The following DMD variants were observed in gnomAD, a reference collection of about 807,000 sequenced individuals.
DMD encodes mutant dystrophin.
A neutral mutation model predicts 330.1 loss-of-function variants in DMD; 63 were observed. The observed-to-expected ratio is 0.19, with a 90% CI of 0.16 to 0.24. The LOEUF (loss-of-function observed/expected upper bound fraction) is 0.24. Ranked by LOEUF, DMD falls within the 10% of genes least tolerant of loss-of-function variation. DMD has a pLI of 1.00. For synonymous variants in DMD, 1,223 were observed against 959.8 expected, an observed-to-expected ratio of 1.27 and a Z score of -5.07; for missense variants, 3,344 against 2,684.1, an observed-to-expected ratio of 1.25 and a Z score of -5.43.
At chrX:31,516,267 T>C (rs1280661185) in intron 55 of DMD, among the ~76,000 whole-genome samples, 1 of 68,928 alleles carries the variant, frequency 1.5e-5, no homozygotes, top group Admixed American at 1.7e-4. Flanking sequence ...GATTGGGAAT[T>C]AAAACAAGCG....
At chrX:32,914,400 G>A (rs1210407981) in intron 2 of DMD, among the ~76,000 whole-genome samples, 1 of 112,353 alleles carries the variant, frequency 8.9e-6, no homozygotes, top group Non-Finnish European at 1.9e-5. Context: ...AAAGGATTCA[G>A]GAGGGACCAG....
chrX:32,585,671 G>T (rs1033701087), intron 13 of DMD, among the ~76,000 whole-genome samples: 2 of 73,479 alleles, frequency 2.7e-5, no homozygotes, highest in African/African-American at 1.1e-4. Context: ...CTGCACTCCA[G>T]CCTGGGTGAC....
At chrX:33,009,716 ATATG>A (rs1400791365) in intron 2 of DMD, among the ~76,000 whole-genome samples, 1 of 60,236 alleles carries the variant, frequency 1.7e-5, no homozygotes, top group Non-Finnish European at 3.1e-5. Flanking sequence ...GTATATGTGT[ATATG>A]TGTGTATATG....
At chrX:31,883,630 C>G (rs180837972) in intron 47 of DMD, among the ~76,000 whole-genome samples, 1 of 110,547 alleles carries the variant, frequency 9.0e-6, no homozygotes, top group Non-Finnish European at 1.9e-5. Context: ...GTCACTCTGG[C>G]GAAAAAGTGA....
intron 44 of DMD, among the ~76,000 whole-genome samples, chrX:32,033,677 G>A (rs865925353): frequency 0.01 from 870 of 84,310 alleles, 20 homozygotes; most frequent in East Asian, 0.032. Context: ...AGAAAGGAAG[G>A]AAAGAAAGAA....
intron 45 of DMD, among the ~76,000 whole-genome samples, chrX:31,951,139 A>ATATATATG (rs1557025403): frequency 1.4e-5 from 1 of 72,242 alleles, no homozygotes; most frequent in African/African-American, 6.1e-5. Flanking sequence ...ATATATATAT[A>ATATATATG]TGTGTATATA....
chrX:31,535,733 A>G (rs1398160636), intron 55 of DMD, among the ~76,000 whole-genome samples: 1 of 111,949 alleles, frequency 8.9e-6, no homozygotes, highest in Non-Finnish European at 1.9e-5. Flanking sequence ...CCTCACTACC[A>G]AAAGTGTGAT....
At chrX:32,088,880 T>C (rs924375429) in intron 44 of DMD, among the ~76,000 whole-genome samples, 1 of 111,339 alleles carries the variant, frequency 9.0e-6, no homozygotes, top group African/African-American at 3.3e-5. Context: ...TCATTGAGTG[T>C]TCAGTCCGAG....
At chrX:32,021,683 G>T (rs1603620667) in intron 44 of DMD, among the ~76,000 whole-genome samples, 1 of 112,151 alleles carries the variant, frequency 8.9e-6, no homozygotes, top group Admixed American at 9.4e-5. Flanking sequence ...AAAGAAAAAG[G>T]TTAAATACAT....
chrX:32,280,545 C>G (rs2097416669), intron 43 of DMD, among the ~76,000 whole-genome samples: 1 of 111,249 alleles, frequency 9.0e-6, no homozygotes, highest in African/African-American at 3.3e-5. Context: ...GAGATTAATT[C>G]TAAGACTGCA....
At chrX:32,983,576 T>C (rs66924690) in intron 2 of DMD, among the ~76,000 whole-genome samples, 1,144 of 50,985 alleles carry the variant, frequency 0.022, 27 homozygotes, top group African/African-American at 0.2. Context: ...CACACACACA[T>C]ATAGGAACAC....
chrX:32,062,162 A>G (rs1261861036), intron 44 of DMD, among the ~76,000 whole-genome samples: 2 of 111,065 alleles, frequency 1.8e-5, no homozygotes, highest in African/African-American at 3.3e-5. Flanking sequence ...TGATATTTAT[A>G]AGGTCTGGCT....
chrX:31,507,068 TA>T (rs1437584474), intron 56 of DMD, among the ~76,000 whole-genome samples: 1 of 112,045 alleles, frequency 8.9e-6, no homozygotes, highest in African/African-American at 3.2e-5. Context: ...CCTATGTTTA[TA>T]AAACATTACC....
intron 44 of DMD, among the ~76,000 whole-genome samples, chrX:32,073,360 G>A (rs1225250690): frequency 9.0e-6 from 1 of 111,680 alleles, no homozygotes. Context: ...GATGCCTTGA[G>A]AAATTCTCCA....
At chrX:33,020,748 AT>A (rs1048439138) in intron 1 of DMD, among the ~76,000 whole-genome samples, 2 of 111,778 alleles carry the variant, frequency 1.8e-5, no homozygotes, top group Admixed American at 1.9e-4. Context: ...TTATAAAAAA[AT>A]AGTCTCCTCT....
intron 1 of DMD, among the ~76,000 whole-genome samples, chrX:33,023,803 A>G (rs1023496055): frequency 9.0e-6 from 1 of 111,474 alleles, no homozygotes; most frequent in African/African-American, 3.2e-5. Context: ...AAATGTCTAC[A>G]CATACATATT....
At chrX:31,680,378 T>C (rs747139061) in intron 52 of DMD, among the ~76,000 whole-genome samples, 6 of 102,520 alleles carry the variant, frequency 5.9e-5, no homozygotes, top group Non-Finnish European at 1.2e-4. Flanking sequence ...TTTTTCTTTC[T>C]TTTTTTTTTT....
At position 32,794,178 on chromosome X, in the gene DMD, G is replaced by A. The variant is rs560490455; in HGVS notation, c.649+15315C>T. On this transcript the variant is annotated intron_variant, in intron 7 of 78. Coordinates refer to ENST00000357033, the MANE Select transcript of DMD (RefSeq NM_004006.3). ...ATTTCATAAAATTTAACATCCCTTCGAGATAAAAACTCCAACAAACTAGGC... is the reference window on the plus strand; with the variant it reads ...ATTTCATAAAATTTAACATCCCTTCAAGATAAAAACTCCAACAAACTAGGC... Among the ~76,000 whole-genome samples the A allele has an allele frequency of 6.3e-5, 7 of 111,519 alleles. No homozygotes were observed. In the South Asian group the frequency reaches 1.1e-3, roughly 18 times the overall value.
At chrX:32,978,878 C>G in intron 2 of DMD, among the ~76,000 whole-genome samples, 1 of 112,239 alleles carries the variant, frequency 8.9e-6, no homozygotes, top group Non-Finnish European at 1.9e-5. Flanking sequence ...ATACACAACC[C>G]TTGAAGAACT....
Sources: allele counts gnomAD v4.1 joint callset (sites outside exome capture counted in the v4.1 genomes callset), GRCh38; gene constraint gnomAD v4.1.1; transcripts MANE v1.5; gene names NCBI Gene and HGNC (gene_info 2026-07-23, HGNC 2026-07-21).